SLX9: variants seen among roughly 807,000 people sequenced by gnomAD.
The protein encoded by SLX9 is SLX9 ribosome biogenesis factor.
In SLX9, 19 loss-of-function variants were observed where a neutral mutation model predicts 20.8. That is an observed-to-expected ratio of 0.91 (90% confidence interval 0.64 to 1.34). The LOEUF is 1.34. Ranked by LOEUF, SLX9 falls within the 40% of genes most tolerant of loss-of-function variation. The pLI, the probability that SLX9 is intolerant of heterozygous loss-of-function variation, is 0.00. For synonymous variants in SLX9, 113 were observed against 137.1 expected (o/e 0.82, Z 1.23); for missense variants, 299 against 322.2 (o/e 0.93, Z 0.55).
intron 5 of SLX9, among the ~76,000 whole-genome samples, chr21:44,976,048 T>C (rs1429830080): frequency 1.3e-5 from 2 of 152,246 alleles, no homozygotes; most frequent in Non-Finnish European, 2.9e-5. Flanking sequence ...AGAGCCCGTC[T>C]GGGAGCTGCC....
At chr21:44,960,774 C>T (rs2072790799) in intron 3 of SLX9, among the ~76,000 whole-genome samples, 1 of 152,266 alleles carries the variant, frequency 6.6e-6, no homozygotes, top group Admixed American at 6.5e-5. Context: ...CTGAAAGCCA[C>T]ACTTCCCACT....
Position 44,976,758 on chromosome 21 carries a change from G to GAC in SLX9, c.649_650dup (p.Leu218ArgfsTer?), listed in dbSNP as rs1407508349. 1.9e-6 allele frequency: 3 copies of GAC among 1,556,718 alleles called. No individual in the cohort carries two copies. The highest frequency in any genetic ancestry group is 2.6e-6 in the Non-Finnish European group (3 of 1,151,918). On this transcript the variant is annotated frameshift_variant, in exon 6 of 6. Transcript: ENST00000291634. LOFTEE classifies it high-confidence loss of function. ...CCAGCCCCCTGGTGGCCATCGGGCA[G>GAC]ACGCTGGCCCGGCAGATGCAGCTGG... is the stretch of plus-strand genomic sequence containing the variant.
chr21:44,974,295 G>A (rs2085221254), intron 5 of SLX9, among the ~76,000 whole-genome samples: 1 of 152,144 alleles, frequency 6.6e-6, no homozygotes, highest in Non-Finnish European at 1.5e-5. Context: ...AGAGTCTGAA[G>A]TCTGTTTTGT....
chr21:44,949,498 C>T (rs528164743), intron 2 of SLX9, among the ~76,000 whole-genome samples: 2 of 152,108 alleles, frequency 1.3e-5, no homozygotes, highest in Non-Finnish European at 2.9e-5. Context: ...GCTCCGCCTA[C>T]CCCCCAGAAC....
At chr21:44,939,996 G>C (rs2084507107), upstream of SLX9, 1 of 1,363,136 alleles carries the variant, frequency 7.3e-7, no homozygotes, top group Non-Finnish European at 9.5e-7. Context: ...CCGCCGGGCG[G>C]CGAGAACGCA....
intron 2 of SLX9, among the ~76,000 whole-genome samples, chr21:44,947,068 G>C (rs1191524656): frequency 2.0e-5 from 3 of 152,212 alleles, no homozygotes; most frequent in African/African-American, 4.8e-5. Context: ...CATCTTGGCT[G>C]CTCCTCACCA....
chr21:44,940,004 G>C, upstream of SLX9: 1 of 1,377,404 alleles, frequency 7.3e-7, no homozygotes, highest in East Asian at 3.0e-5. Flanking sequence ...CGGCGAGAAC[G>C]CAGGACCAGC....
chr21:44,946,363 G>A (rs879602464), intron 2 of SLX9, among the ~76,000 whole-genome samples: 3 of 152,298 alleles, frequency 2.0e-5, no homozygotes, highest in Non-Finnish European at 2.9e-5. Context: ...TGACAGTAGC[G>A]TGGCCCGTTC....
intron 1 of SLX9, 122 bp from the exon 2 acceptor site, chr21:44,943,562 G>A: frequency 7.4e-7 from 1 of 1,351,502 alleles, no homozygotes; most frequent in Non-Finnish European, 1.0e-6. Flanking sequence ...GTCCTCCCGG[G>A]CAGAGAAGCT....
intron 4 of SLX9, among the ~76,000 whole-genome samples, chr21:44,971,272 C>T (rs1236132494): frequency 1.3e-5 from 2 of 152,186 alleles, no homozygotes; most frequent in Non-Finnish European, 2.9e-5. Flanking sequence ...AATTCCTCCT[C>T]GGCTTCCTGC....
At chr21:44,951,730 C>T (rs1468372475) in intron 2 of SLX9, among the ~76,000 whole-genome samples, 1 of 152,144 alleles carries the variant, frequency 6.6e-6, no homozygotes, top group Non-Finnish European at 1.5e-5. Flanking sequence ...GTGTGGGCAC[C>T]ATCTCTCGCC....
rs1039996453 is a variant in SLX9, at chr21:44,967,162, A to C, written c.481A>C (p.Ser161Arg). 6.3e-7 allele frequency: 1 copy of C among 1,590,634 alleles called. No individual in the cohort carries two copies. The highest frequency in any genetic ancestry group is 1.3e-5 in the African/African-American group (1 of 74,074). ...CGAGCTGCTGGGGCTCGAGGCTGGC[A>C]GCCGGCGCCAAGCCCGCAGGTGAGT... Reference protein sequence around the residue: ...LPELLGLEAGSRRQARSRESN... With the variant: ...LPELLGLEAGRRRQARSRESN... The change falls in exon 4 of 6, where the codon AGC (serine) becomes CGC (arginine). Residue 161 changes from serine to arginine, a missense_variant. Ser to Arg is a moderately radical substitution (Grantham distance 110, BLOSUM62 -1). Coordinates refer to ENST00000291634, the MANE Select transcript of SLX9 (RefSeq NM_058190.4).
intron 2 of SLX9, among the ~76,000 whole-genome samples, chr21:44,955,472 A>G (rs956039412): frequency 3.9e-5 from 6 of 152,092 alleles, no homozygotes; most frequent in East Asian, 3.8e-4. Context: ...AATGCCAACT[A>G]CCGTTAAGTG....
At chr21:44,974,417 G>A (rs1241825545) in intron 5 of SLX9, among the ~76,000 whole-genome samples, 3 of 152,292 alleles carry the variant, frequency 2.0e-5, no homozygotes, top group South Asian at 2.1e-4. Flanking sequence ...CCCTTCTTCA[G>A]GGGCACCAAT....
intron 2 of SLX9, 101 bp downstream of exon 2, chr21:44,943,938 TGA>T (rs2084596752): frequency 6.7e-7 from 1 of 1,500,028 alleles, no homozygotes; most frequent in Admixed American, 1.9e-5. Context: ...AACCTGTACC[TGA>T]CAATGTCCTT....
intron 1 of SLX9, among the ~76,000 whole-genome samples, chr21:44,942,510 CCTGG>C (rs1308589869): frequency 6.6e-6 from 1 of 152,140 alleles, no homozygotes; most frequent in East Asian, 1.9e-4. Context: ...CTCTTGGTGC[CCTGG>C]CTGCCTTCTA....
At chr21:44,962,245 C>T (rs2084959077) in intron 3 of SLX9, among the ~76,000 whole-genome samples, 1 of 152,060 alleles carries the variant, frequency 6.6e-6, no homozygotes, top group Non-Finnish European at 1.5e-5. Context: ...ATGTTGTAGA[C>T]ACCTGTGCAG....
At chr21:44,946,381 T>TCCCAGC (rs2084642665) in intron 2 of SLX9, among the ~76,000 whole-genome samples, 1 of 150,430 alleles carries the variant, frequency 6.6e-6, no homozygotes, top group African/African-American at 2.5e-5. Context: ...TTCTGGCGCT[T>TCCCAGC]CCTGCTTGTG....
At chr21:44,961,714 G>T (rs1467413837) in intron 3 of SLX9, among the ~76,000 whole-genome samples, 1 of 152,110 alleles carries the variant, frequency 6.6e-6, no homozygotes, top group East Asian at 1.9e-4. Context: ...ATTAAATTAA[G>T]AAGTTTTGTC....
Sources: gnomAD v4.1 joint callset for allele counts (sites outside exome capture counted in the v4.1 genomes callset) on GRCh38, gnomAD v4.1.1 for gene constraint, MANE v1.5 for transcripts, NCBI Gene and HGNC (gene_info 2026-07-23, HGNC 2026-07-21) for gene names.